The following ATM variants were observed in gnomAD, a reference collection of about 807,000 sequenced individuals.
The protein encoded by ATM is ATM serine/threonine kinase, also known as serine-protein kinase ATM.
A neutral mutation model predicts 387.0 loss-of-function variants in ATM; 308 were observed. That is an observed-to-expected ratio of 0.80 (90% CI 0.73 to 0.87). The LOEUF (loss-of-function observed/expected upper bound fraction) is 0.87. Among genes scored for constraint, ATM ranks in the 40% least tolerant of loss-of-function variants. The pLI, the probability that ATM is intolerant of heterozygous loss-of-function variation, is 0.00. For synonymous variants in ATM, 1,156 were observed against 1,187.3 expected (o/e 0.97, Z 0.54); for missense variants, 3,312 against 3,560.9 (o/e 0.93, Z 1.78).
chr11:108,365,388 G>GA lies in ATM; in HGVS notation c.9054dup (p.Gly3019ArgfsTer44). 6.2e-7 allele frequency: 1 copy of GA among 1,614,186 alleles called. No individual in the cohort carries two copies. Among genetic ancestry groups the GA allele is most frequent in the Non-Finnish European group, 8.5e-7 (1 of 1,180,042 alleles). ...TCTTAATGAGACTACAAGAGAAACT[G>GA]AAAGGAGTGGAAGAAGGCACTGTGC... On this transcript the variant is annotated frameshift_variant, in exon 63 of 63. Transcript: ENST00000675843. LOFTEE classifies it high-confidence loss of function.
chr11:108,236,623 A>C (rs1408562372), intron 5 of ATM: 1 of 152,258 alleles, frequency 6.6e-6, no homozygotes, highest in African/African-American at 2.4e-5. Context: ...GATAAGACAC[A>C]AAAGTATCCA....
rs1267923370 is a variant in ATM, at chr11:108,337,401, G to A, written c.8268+1440G>A. 6.4e-4 allele frequency among the ~76,000 whole-genome samples: 97 copies of A among 152,216 alleles called. 1 individual carries two copies. Among genetic ancestry groups the A allele is most frequent in the Non-Finnish European group, 1.0e-4 (7 of 68,028 alleles). On this transcript the variant is annotated intron_variant, in intron 56 of 62. Transcript: ENST00000675843. ...AAAGTTGCTCTATAAAGGCTACTCT[G>A]TAGAGGGATTTCTTTGATGTGGTTA... is the stretch of plus-strand genomic sequence containing the variant.
rs2085520732 is a variant in ATM at position 108,325,189 on chromosome 11, C to T, written c.6573-121C>T. 3 of 683,110 alleles carry T rather than the reference C, an allele frequency of 4.4e-6. No individual in the cohort carries two copies. The Admixed American group carries it at 8.8e-5, about 20-fold the overall frequency. The allele number at this position is 683,110 out of a possible 1,614,324, so 42.3% of individuals were successfully genotyped here. A position where few individuals can be genotyped will look rare whatever the true frequency, so the allele number is the denominator to read the frequency against. ...GATTATTTACAAGTTCTAGTCTTGT[C>T]ACTACAAAAGTTCCTTTGTATTATT... On this transcript the variant is annotated intron_variant, in intron 45 of 62. Transcript: ENST00000675843.
At chr11:108,271,644 A>C (rs1200986635) in intron 20 of ATM, among the ~76,000 whole-genome samples, 1 of 152,230 alleles carries the variant, frequency 6.6e-6, no homozygotes, top group Non-Finnish European at 1.5e-5. Context: ...TGAATCACTT[A>C]ATAATTTGAC....
chr11:108,254,564 A>T (rs2080356542), intron 13 of ATM, among the ~76,000 whole-genome samples: 1 of 152,202 alleles, frequency 6.6e-6, no homozygotes, highest in African/African-American at 2.4e-5. Context: ...AAAATGTGAA[A>T]TGTCTTTCTA....
rs753944855 is a variant in ATM, at chr11:108,257,587, GCT to G, written c.2358_2359del (p.Leu787GlufsTer10). The G allele has an allele frequency of 6.2e-7, 1 of 1,613,840 alleles. No homozygotes were observed. Among genetic ancestry groups the G allele is most frequent in the South Asian group, 1.1e-5 (1 of 91,072 alleles). On this transcript the variant is annotated frameshift_variant, in exon 15 of 63. Coordinates refer to ENST00000675843, the MANE Select transcript of ATM (RefSeq NM_000051.4). LOFTEE classifies it high-confidence loss of function. Reference sequence around the variant, plus strand: ...AATATGATGCAGCTATGTACACGTTGCTTGAGCAACTGTACCAAGGTAAGATT... The same window carrying G: ...AATATGATGCAGCTATGTACACGTTGTGAGCAACTGTACCAAGGTAAGATT...
At chr11:108,252,059 GT>G (rs749339972) in intron 11 of ATM, 28 bp downstream of exon 11, 6 of 1,592,426 alleles carry the variant, frequency 3.8e-6, no homozygotes, top group African/African-American at 1.3e-5. Flanking sequence ...GCATGCTGCT[GT>G]TTTTTTTGTT....
intron 59 of ATM, among the ~76,000 whole-genome samples, chr11:108,352,874 T>G (rs550780879): frequency 1.1e-4 from 17 of 152,166 alleles, no homozygotes; most frequent in Admixed American, 1.0e-3. Context: ...ATGACAAAAT[T>G]ATAAAAATGG....
Position 108,367,732 on chromosome 11 carries a change from C to T in ATM, c.*2224C>T, listed in dbSNP as rs139245552. 1.2e-3 allele frequency: 250 copies of T among 217,154 alleles called. 3 individuals are homozygous for T. The East Asian group carries it at 0.016, about 14-fold the overall frequency. 13.5% of individuals were successfully genotyped at this position (217,154 alleles called of 1,614,324 possible). ...CTCCTCACCTTCCCCTCCCCTAAAA[C>T]CAATCTCCAGAACTTTTTGGACTAT... On this transcript the variant is annotated 3_prime_UTR_variant, in exon 63 of 63. Transcript: ENST00000675843.
intron 53 of ATM, 44 bp from the exon 54 acceptor site, chr11:108,333,842 T>C (rs2136607539): frequency 6.9e-7 from 1 of 1,450,126 alleles, no homozygotes; most frequent in Non-Finnish European, 9.7e-7. Context: ...CCTTCAATGC[T>C]GTTCCTCAGT....
chr11:108,267,423 T>C (rs2081319496), intron 17 of ATM, 81 bp downstream of exon 17: 1 of 1,302,700 alleles, frequency 7.7e-7, no homozygotes. Context: ...TTGATATCAA[T>C]TTTGTGCTTA....
At chr11:108,282,946 C>A (rs2135692872) in intron 25 of ATM, 67 bp downstream of exon 25, 2 of 1,082,724 alleles carry the variant, frequency 1.8e-6, no homozygotes, top group Non-Finnish European at 2.7e-6. Context: ...CTTAGCAAGT[C>A]CCCTCACCAG....
At chr11:108,335,231 A>G (rs1208891083) in intron 55 of ATM, 122 bp downstream of exon 55, 2 of 1,559,454 alleles carry the variant, frequency 1.3e-6, no homozygotes, top group Admixed American at 1.8e-5. Context: ...AATGAGGAAG[A>G]TTTGTAGAGT....
intron 32 of ATM, chr11:108,295,810 T>A (rs1358199144): frequency 6.6e-6 from 1 of 152,154 alleles, no homozygotes; most frequent in Admixed American, 6.6e-5. Flanking sequence ...CCTGCCACCA[T>A]GCCTGGCTAA....
At chr11:108,253,653 A>G (rs1321057131) in intron 12 of ATM, among the ~76,000 whole-genome samples, 161 bp from the exon 13 acceptor site, 1 of 152,140 alleles carries the variant, frequency 6.6e-6, no homozygotes, top group African/African-American at 2.4e-5. Flanking sequence ...TCAAAGTCCG[A>G]AGAAGAGAAG....
chr11:108,302,731 C>T, intron 35 of ATM, 122 bp from the exon 36 acceptor site: 1 of 944,118 alleles, frequency 1.1e-6, no homozygotes, highest in South Asian at 1.6e-5. Flanking sequence ...AACATTGCCT[C>T]CAGATTTAGT....
intron 59 of ATM, among the ~76,000 whole-genome samples, chr11:108,350,370 T>G (rs2089039273): frequency 6.6e-6 from 1 of 152,122 alleles, no homozygotes; most frequent in Non-Finnish European, 1.5e-5. Context: ...ACTAGAAATC[T>G]CAGTCAAATT....
chr11:108,262,312 G>C (rs899847488), intron 16 of ATM, among the ~76,000 whole-genome samples: 4 of 152,188 alleles, frequency 2.6e-5, no homozygotes, highest in African/African-American at 4.8e-5. Flanking sequence ...AGCCAGAAGA[G>C]AGTGGGGGCC....
rs1293027230 is a variant in ATM at position 108,365,526 on chromosome 11, A to G, written c.*18A>G. 1 of 1,612,470 alleles carries G rather than the reference A, an allele frequency of 6.2e-7. No homozygotes were observed. Among genetic ancestry groups the G allele is most frequent in the South Asian group, 1.1e-5 (1 of 90,860 alleles). ...GGGTGTGATCTTCAGTATATGAATT[A>G]CCCTTTCATTCAGCCTTTAGAAATT... On this transcript the variant is annotated 3_prime_UTR_variant, in exon 63 of 63. Coordinates refer to ENST00000675843, the MANE Select transcript of ATM (RefSeq NM_000051.4).
Sources: gnomAD v4.1 joint callset for allele counts (sites outside exome capture counted in the v4.1 genomes callset) on GRCh38, gnomAD v4.1.1 for gene constraint, MANE v1.5 for transcripts, NCBI Gene and HGNC (gene_info 2026-07-23, HGNC 2026-07-21) for gene names.